The following RNF13 variants were observed in gnomAD, a reference collection of about 807,000 sequenced individuals.
The protein encoded by RNF13 is E3 ubiquitin-protein ligase RNF13.
In RNF13, 19 loss-of-function variants were observed where a neutral mutation model predicts 37.7. That is an observed-to-expected ratio of 0.50 (90% CI 0.35 to 0.74). The LOEUF is 0.74. RNF13 is among the 30% of genes least tolerant of loss of function. The pLI is 0.01. For synonymous variants in RNF13, 144 were observed against 157.8 expected (o/e 0.91, Z 0.65); for missense variants, 375 against 453.0 (o/e 0.83, Z 1.56).
chr3:149,822,168 C>T (rs914718213), intron 1 of RNF13, among the ~76,000 whole-genome samples: 5 of 152,038 alleles, frequency 3.3e-5, no homozygotes, highest in Non-Finnish European at 7.4e-5. Context: ...TCAGCTTTTC[C>T]ATTTCTGCAT....
At chr3:149,821,614 A>AT (rs34701678) in intron 1 of RNF13, among the ~76,000 whole-genome samples, 2 of 150,782 alleles carry the variant, frequency 1.3e-5, no homozygotes, top group Non-Finnish European at 3.0e-5. Context: ...CATTATGTGG[A>AT]TTTTTTTTTT....
chr3:149,944,822 C>T (rs976030911), intron 8 of RNF13, among the ~76,000 whole-genome samples: 4 of 152,144 alleles, frequency 2.6e-5, no homozygotes, highest in Non-Finnish European at 5.9e-5. Flanking sequence ...AGTTAGATCC[C>T]ATTTGTCAAT....
In RNF13 at chr3:149,928,323, T is replaced by C. The variant is rs1185418408; in HGVS notation, c.700+7096T>C. Among the ~76,000 whole-genome samples, 3 of 152,264 alleles carry C rather than the reference T, an allele frequency of 2.0e-5. No individual in the cohort carries two copies. In the East Asian group the frequency reaches 5.8e-4, roughly 29 times the overall value. On this transcript the variant is annotated intron_variant, in intron 8 of 9. Coordinates refer to ENST00000392894, the MANE Select transcript of RNF13 (RefSeq NM_183381.3). The stretch of plus-strand genomic sequence containing the variant: ...TTTTAGCTTATATTTAGGTCTTTTA[T>C]CAATTTAGAGTTGATTTTCATATAT...
chr3:149,885,562 A>G (rs57270561), intron 4 of RNF13, among the ~76,000 whole-genome samples: 21,120 of 152,122 alleles, frequency 0.14, 1,727 homozygotes, highest in African/African-American at 0.21. Flanking sequence ...TCTTTTGCCC[A>G]TTTATTAATT....
At chr3:149,936,942 T>C (rs1719748923) in intron 8 of RNF13, among the ~76,000 whole-genome samples, 1 of 152,166 alleles carries the variant, frequency 6.6e-6, no homozygotes, top group Admixed American at 6.5e-5. Context: ...TTTGCCTGGC[T>C]TTCACAAACG....
Position 149,961,435 on chromosome 3 carries a change from AC to A in RNF13, c.*332del, listed in dbSNP as rs1438944241. On this transcript the variant is annotated 3_prime_UTR_variant, in exon 10 of 10. Coordinates refer to ENST00000392894, the MANE Select transcript of RNF13 (RefSeq NM_183381.3). ...AGTATTTAAGTGTTTTGCGTTTTATACATGAGGTCAGTGCTACAGCCACCTA... is the reference window on the plus strand; with the variant it reads ...AGTATTTAAGTGTTTTGCGTTTTATAATGAGGTCAGTGCTACAGCCACCTA... 2.2e-6 allele frequency: 1 copy of A among 464,046 alleles called. No homozygotes were observed. Among genetic ancestry groups the A allele is most frequent in the African/African-American group, 2.0e-5 (1 of 50,042 alleles). The allele number at this position is 464,046 out of a possible 1,614,324, so 28.7% of individuals were successfully genotyped here. A position where few individuals can be genotyped will look rare whatever the true frequency, so the allele number is the denominator to read the frequency against.
intron 4 of RNF13, among the ~76,000 whole-genome samples, chr3:149,884,263 G>C (rs921570488): frequency 7.2e-5 from 11 of 152,006 alleles, no homozygotes; most frequent in Non-Finnish European, 1.6e-4. Flanking sequence ...AGATGAGCTT[G>C]GTTATTTTCA....
At chr3:149,880,309 A>T (rs551620671) in intron 4 of RNF13, among the ~76,000 whole-genome samples, 2 of 152,322 alleles carry the variant, frequency 1.3e-5, no homozygotes, top group South Asian at 4.1e-4. Context: ...ATTTGATTGG[A>T]ATATGAATCC....
intron 8 of RNF13, among the ~76,000 whole-genome samples, chr3:149,953,481 T>C (rs1348707436): frequency 6.6e-6 from 1 of 152,222 alleles, no homozygotes; most frequent in Admixed American, 6.5e-5. Flanking sequence ...TCTTCATCCC[T>C]TCTTTGTGTT....
At chr3:149,875,463 G>A (rs1451718753) in intron 4 of RNF13, among the ~76,000 whole-genome samples, 1 of 152,106 alleles carries the variant, frequency 6.6e-6, no homozygotes, top group Non-Finnish European at 1.5e-5. Context: ...ATGAATAAGT[G>A]GAATGTATGT....
chr3:149,864,515 G>A (rs918709358), intron 3 of RNF13, among the ~76,000 whole-genome samples: 1 of 151,956 alleles, frequency 6.6e-6, no homozygotes, highest in Non-Finnish European at 1.5e-5. Context: ...CAATTAAAAG[G>A]CATTGTCCTC....
At chr3:149,828,576 C>T (rs1399338141) in intron 1 of RNF13, among the ~76,000 whole-genome samples, 1 of 152,110 alleles carries the variant, frequency 6.6e-6, no homozygotes, top group African/African-American at 2.4e-5. Context: ...TGCTGTGTGG[C>T]TTATTGCTAG....
chr3:149,819,324 T>C (rs545066535), intron 1 of RNF13, among the ~76,000 whole-genome samples: 5 of 152,340 alleles, frequency 3.3e-5, no homozygotes, highest in African/African-American at 1.2e-4. Context: ...TAAGATTACA[T>C]TGTAATTTTT....
chr3:149,827,568 A>T (rs1017130855), intron 1 of RNF13, among the ~76,000 whole-genome samples: 6 of 152,146 alleles, frequency 3.9e-5, no homozygotes, highest in African/African-American at 1.4e-4. Context: ...GGTACTTGTG[A>T]TACATCCATA....
chr3:149,871,976 T>A, intron 3 of RNF13, 53 bp from the exon 4 acceptor site: 1 of 1,462,268 alleles, frequency 6.8e-7, no homozygotes, highest in South Asian at 1.3e-5. Context: ...AGAAGTAAGT[T>A]GATTGATTTA....
chr3:149,816,597 A>G (rs1416912493), intron 1 of RNF13, among the ~76,000 whole-genome samples: 1 of 151,882 alleles, frequency 6.6e-6, no homozygotes, highest in African/African-American at 2.4e-5. Context: ...AAAAAGTTCC[A>G]CATAAGGACA....
chr3:149,815,255 T>C (rs1455628288), intron 1 of RNF13, among the ~76,000 whole-genome samples: 1 of 152,172 alleles, frequency 6.6e-6, no homozygotes, highest in Non-Finnish European at 1.5e-5. Context: ...TAGATTTATG[T>C]CTTTGAGTTA....
intron 4 of RNF13, among the ~76,000 whole-genome samples, chr3:149,875,203 A>G (rs1474162220): frequency 2.6e-5 from 4 of 152,160 alleles, no homozygotes; most frequent in African/African-American, 9.6e-5. Context: ...ATATTTTGGC[A>G]TGCCTCTTAT....
At chr3:149,827,565 G>A (rs561286114) in intron 1 of RNF13, among the ~76,000 whole-genome samples, 13 of 152,106 alleles carry the variant, frequency 8.5e-5, no homozygotes, top group Non-Finnish European at 1.8e-4. Context: ...TTAGGTACTT[G>A]TGATACATCC....
Sources: allele counts gnomAD v4.1 joint callset (sites outside exome capture counted in the v4.1 genomes callset), GRCh38; gene constraint gnomAD v4.1.1; transcripts MANE v1.5; gene names NCBI Gene and HGNC (gene_info 2026-07-23, HGNC 2026-07-21).